The following MBD5 variants were observed in gnomAD, a reference collection of about 807,000 sequenced individuals.
The protein encoded by MBD5 is methyl-CpG binding domain protein 5.
Under a neutral mutation model 117.3 loss-of-function variants are expected in MBD5, and 13 were observed. That is an observed-to-expected ratio of 0.11 (90% CI 0.07 to 0.18). The LOEUF (loss-of-function observed/expected upper bound fraction) is 0.18, where lower values mean the gene tolerates loss of function less well. Among genes scored for constraint, MBD5 ranks in the 10% least tolerant of loss-of-function variants. The pLI is 1.00. For missense variants in MBD5, 1,879 were observed against 2,093.8 expected (o/e 0.90, Z 2.00); for synonymous variants, 727 against 766.4 (o/e 0.95, Z 0.85).
Position 148,515,496 on chromosome 2 carries a change from G to GT in MBD5, c.*2556dup, listed in dbSNP as rs985667789. ...TTAGCATTACAGGTCATACAGTGCT[G>GT]TAACATTTTTTTAAATGTTGCACCT... is the stretch of plus-strand genomic sequence containing the variant. On this transcript the variant is annotated 3_prime_UTR_variant, in exon 14 of 14. Coordinates refer to ENST00000642680, the MANE Select transcript of MBD5 (RefSeq NM_001378120.1). 6.6e-6 allele frequency: 1 copy of GT among 152,126 alleles called. No homozygotes were observed. Among genetic ancestry groups the GT allele is most frequent in the Non-Finnish European group, 1.5e-5 (1 of 68,030 alleles). The allele number at this position is 152,126 out of a possible 1,614,324, so 9.4% of individuals were successfully genotyped here.
intron 3 of MBD5, among the ~76,000 whole-genome samples, chr2:148,250,901 A>C (rs114379684): frequency 1.9e-4 from 29 of 152,266 alleles, no homozygotes; most frequent in African/African-American, 6.5e-4. Context: ...CTATTTTGCC[A>C]CTTCATCACT....
chr2:148,358,096 G>T (rs553574364), intron 4 of MBD5, among the ~76,000 whole-genome samples: 1 of 152,166 alleles, frequency 6.6e-6, no homozygotes, highest in African/African-American at 2.4e-5. Context: ...ACCTATTGTG[G>T]TGTTACTTAT....
intron 11 of MBD5, among the ~76,000 whole-genome samples, chr2:148,500,694 AG>A (rs1574495949): frequency 6.6e-6 from 1 of 152,124 alleles, no homozygotes. Context: ...ACCCCTTCTG[AG>A]GTCCCTCGCT....
At chr2:148,402,767 G>A (rs763580678) in intron 4 of MBD5, among the ~76,000 whole-genome samples, 1 of 151,972 alleles carries the variant, frequency 6.6e-6, no homozygotes, top group Non-Finnish European at 1.5e-5. Context: ...CTATTGACTT[G>A]TTGATGGATA....
intron 4 of MBD5, among the ~76,000 whole-genome samples, chr2:148,390,666 C>T (rs1430113131): frequency 6.6e-6 from 1 of 151,660 alleles, no homozygotes; most frequent in Non-Finnish European, 1.5e-5. Context: ...ACCGTGACCT[C>T]CTGGGCTCAA....
At position 148,342,318 on chromosome 2, in the gene MBD5, C is replaced by T. The variant is rs1025333065; in HGVS notation, c.-575C>T. 2 of 152,014 alleles carry T rather than the reference C, an allele frequency of 1.3e-5. No individual in the cohort carries two copies. The highest frequency in any genetic ancestry group is 6.6e-5 in the Admixed American group (1 of 15,220). The allele number at this position is 152,014 out of a possible 1,614,324, so 9.4% of individuals were successfully genotyped here. A position where few individuals can be genotyped will look rare whatever the true frequency, so the allele number is the denominator to read the frequency against. ...TCACACACAACGCTTGTTATGTTTT[C>T]ATCACTTCTCTCCAGAAGGTAGGCA... On this transcript the variant is annotated 5_prime_UTR_variant, in exon 4 of 14. Transcript: ENST00000642680.
chr2:148,383,923 A>G (rs1284195650), intron 4 of MBD5, among the ~76,000 whole-genome samples: 1 of 152,226 alleles, frequency 6.6e-6, no homozygotes, highest in Admixed American at 6.5e-5. Flanking sequence ...CTTCATGCTA[A>G]AAACTCTCAA....
rs147351548 is a variant in MBD5 at position 148,329,868 on chromosome 2, G to C, written c.-679-12346G>C. On this transcript the variant is annotated intron_variant, in intron 3 of 13. Transcript: ENST00000642680. ...CATAACTTGCTTTGTGTAGACATTAGGCTTGTTTTATAAAAAATTATGTTA... is the reference window on the plus strand; with the variant it reads ...CATAACTTGCTTTGTGTAGACATTACGCTTGTTTTATAAAAAATTATGTTA... Among the ~76,000 whole-genome samples the C allele has an allele frequency of 1.8e-4, 28 of 152,076 alleles. No individual in the cohort carries two copies. The East Asian group carries it at 5.4e-3, about 29-fold the overall frequency.
chr2:148,462,796 A>C, intron 6 of MBD5, 112 bp downstream of exon 6: 1 of 725,768 alleles, frequency 1.4e-6, no homozygotes, highest in Non-Finnish European at 2.4e-6. Flanking sequence ...CATACATTTT[A>C]ATTCTTTATC....
intron 1 of MBD5, among the ~76,000 whole-genome samples, chr2:148,166,571 T>A (rs1234064450): frequency 6.6e-6 from 1 of 152,190 alleles, no homozygotes; most frequent in Non-Finnish European, 1.5e-5. Context: ...CTAACCTCCT[T>A]TTCCTACATC....
chr2:148,383,333 C>T (rs181076531), intron 4 of MBD5, among the ~76,000 whole-genome samples: 1,970 of 152,180 alleles, frequency 0.013, 51 homozygotes, highest in African/African-American at 0.045. Flanking sequence ...AACACTTCTA[C>T]GCAAATAAAC....
intron 4 of MBD5, among the ~76,000 whole-genome samples, chr2:148,383,498 T>A (rs145788746): frequency 2.6e-5 from 4 of 152,048 alleles, no homozygotes; most frequent in East Asian, 1.9e-4. Flanking sequence ...CAGGACCAGA[T>A]GGATTCACAG....
At chr2:148,453,161 C>G (rs1187158992) in intron 4 of MBD5, among the ~76,000 whole-genome samples, 1 of 116,412 alleles carries the variant, frequency 8.6e-6, no homozygotes, top group Non-Finnish European at 1.8e-5. Flanking sequence ...TAATCATCAT[C>G]AGATAATGAA....
intron 1 of MBD5, among the ~76,000 whole-genome samples, chr2:148,038,143 A>G (rs1234055105): frequency 6.6e-6 from 1 of 152,046 alleles, no homozygotes; most frequent in Non-Finnish European, 1.5e-5. Context: ...GCCATAAGAA[A>G]TAAAGCAGGA....
intron 3 of MBD5, among the ~76,000 whole-genome samples, chr2:148,281,339 A>G: frequency 6.6e-6 from 1 of 152,092 alleles, no homozygotes; most frequent in Admixed American, 6.5e-5. Flanking sequence ...CTTTTCTACT[A>G]TATCCTTTTC....
chr2:148,284,706 G>T (rs959340623), intron 3 of MBD5, among the ~76,000 whole-genome samples: 1 of 152,026 alleles, frequency 6.6e-6, no homozygotes, highest in Admixed American at 6.6e-5. Context: ...CTGATGCCAG[G>T]CTCACTTGCT....
At chr2:148,374,276 C>T (rs34243464) in intron 4 of MBD5, among the ~76,000 whole-genome samples, 14 of 150,826 alleles carry the variant, frequency 9.3e-5, no homozygotes, top group Admixed American at 7.3e-4. Flanking sequence ...CACACACACA[C>T]GAACATGCAT....
chr2:148,245,084 T>G (rs1700304573), intron 3 of MBD5, among the ~76,000 whole-genome samples: 1 of 152,188 alleles, frequency 6.6e-6, no homozygotes. Flanking sequence ...ATCTAACTTG[T>G]TAGCAATATT....
chr2:148,311,113 G>C (rs913870432), intron 3 of MBD5, among the ~76,000 whole-genome samples: 1 of 152,216 alleles, frequency 6.6e-6, no homozygotes, highest in African/African-American at 2.4e-5. Context: ...TGAGAAGAAT[G>C]TGTATTCTGT....
Sources: gnomAD v4.1 joint callset for allele counts (sites outside exome capture counted in the v4.1 genomes callset) on GRCh38, gnomAD v4.1.1 for gene constraint, MANE v1.5 for transcripts, NCBI Gene and HGNC (gene_info 2026-07-23, HGNC 2026-07-21) for gene names.